PCDHGA3: variants seen among roughly 807,000 people sequenced by gnomAD.
The protein encoded by PCDHGA3 is protocadherin gamma subfamily A, 3, also known as protocadherin gamma-A3.
In PCDHGA3, 40 loss-of-function variants were observed where a neutral mutation model predicts 58.5. That is an observed-to-expected ratio of 0.68 (90% CI 0.53 to 0.89). PCDHGA3 has a LOEUF of 0.89. PCDHGA3 is among the 40% of genes least tolerant of loss of function. PCDHGA3 has a pLI of 0.00. For missense variants in PCDHGA3, 1,223 were observed against 1,195.9 expected (o/e 1.02, Z -0.33); for synonymous variants, 530 against 525.7 (o/e 1.01, Z -0.11).
chr5:141,483,916 A>C (rs1377841777), intron 1 of PCDHGA3, among the ~76,000 whole-genome samples: 1 of 144,996 alleles, frequency 6.9e-6, no homozygotes, highest in African/African-American at 2.5e-5. Flanking sequence ...TCCCACTCAG[A>C]TTGCAGGTCG....
intron 1 of PCDHGA3, chr5:141,357,307 G>C: frequency 6.2e-7 from 1 of 1,614,042 alleles, no homozygotes; most frequent in Non-Finnish European, 8.5e-7. Context: ...TGTCTCCTGC[G>C]TCTTCCTGGC....
At chr5:141,392,956 T>A (rs769377200) in intron 1 of PCDHGA3, 3 of 1,613,820 alleles carry the variant, frequency 1.9e-6, no homozygotes, top group South Asian at 1.1e-5. Context: ...GTGGGTAATA[T>A]CTCCAAGGAC....
In PCDHGA3 at chr5:141,459,764, A is replaced by G. The variant is rs980972909; in HGVS notation, c.2425-35043A>G. On this transcript the variant is annotated intron_variant, in intron 1 of 3. Transcript: ENST00000253812. ...TTTTAGCAATTCTAGTGGGTGTGTG[A>G]TACTATCTCATTGAAGTTTCAACTG... Among the ~76,000 whole-genome samples, 56 of 152,208 alleles carry G rather than the reference A, an allele frequency of 3.7e-4. 1 individual carries two copies. Among genetic ancestry groups the G allele is most frequent in the Admixed American group, 6.5e-5 (1 of 15,274 alleles).
rs1245731818 is a variant in PCDHGA3, at chr5:141,476,700, A to C, written c.2425-18107A>C. 1 of 1,614,096 alleles carries C rather than the reference A, an allele frequency of 6.2e-7. No homozygotes were observed. Among genetic ancestry groups the C allele is most frequent in the Non-Finnish European group, 8.5e-7 (1 of 1,180,016 alleles). On this transcript the variant is annotated intron_variant, in intron 1 of 3. Coordinates refer to ENST00000253812, the MANE Select transcript of PCDHGA3 (RefSeq NM_018916.4). This position sits in a 1 kb window ranked among gnomAD's most constrained non-coding sequence, Gnocchi z 7.6. Reference sequence around the variant, plus strand: ...CGGGAGGACAGCACCAAGTACGCGGAGCTGGTGTTGGAGCGCGCCCTGGAC... The same window carrying C: ...CGGGAGGACAGCACCAAGTACGCGGCGCTGGTGTTGGAGCGCGCCCTGGAC...
chr5:141,385,508 G>T (rs1430201636), intron 1 of PCDHGA3: 6 of 1,372,088 alleles, frequency 4.4e-6, no homozygotes, highest in Non-Finnish European at 5.6e-6. Flanking sequence ...TATTTCTTTA[G>T]TGAAAGCCTA....
At chr5:141,392,965 A>C in intron 1 of PCDHGA3, 1 of 1,613,890 alleles carries the variant, frequency 6.2e-7, no homozygotes, top group East Asian at 2.2e-5. Context: ...ATCTCCAAGG[A>C]CCTGGGGCTG....
At chr5:141,499,726 ACT>A (rs1368224475) in intron 2 of PCDHGA3, among the ~76,000 whole-genome samples, 1 of 128,608 alleles carries the variant, frequency 7.8e-6, no homozygotes, top group African/African-American at 3.0e-5. Flanking sequence ...ACAGAGTCTC[ACT>A]CTCTTGCCCA....
intron 1 of PCDHGA3, chr5:141,356,921 G>C (rs767463186): frequency 1.9e-6 from 3 of 1,613,860 alleles, no homozygotes; most frequent in African/African-American, 2.7e-5. Context: ...GGCTCCACTG[G>C]TGTGGAGCTG....
intron 1 of PCDHGA3, among the ~76,000 whole-genome samples, chr5:141,466,800 C>T (rs189985735): frequency 6.6e-6 from 1 of 152,240 alleles, no homozygotes; most frequent in East Asian, 1.9e-4. Context: ...AAACTAGATC[C>T]TATTCAGACA....
chr5:141,469,511 G>A (rs2099203340), intron 1 of PCDHGA3, among the ~76,000 whole-genome samples: 1 of 152,038 alleles, frequency 6.6e-6, no homozygotes, highest in African/African-American at 2.4e-5. Flanking sequence ...GGAGGTGGAG[G>A]TTGCAGTGAG....
chr5:141,394,558 C>T (rs2093032633), intron 1 of PCDHGA3: 4 of 1,614,108 alleles, frequency 2.5e-6, no homozygotes, highest in Non-Finnish European at 3.4e-6. Flanking sequence ...CCCCGCTCCG[C>T]AGAGCGTGGC....
intron 1 of PCDHGA3, among the ~76,000 whole-genome samples, chr5:141,382,107 C>T (rs1777954814): frequency 6.6e-6 from 1 of 152,002 alleles, no homozygotes; most frequent in Non-Finnish European, 1.5e-5. Flanking sequence ...GGATTACAGG[C>T]GTGAGCAACA....
In PCDHGA3 at chr5:141,498,877, G is replaced by A. The variant is rs886444261; in HGVS notation, c.2483+4012G>A. ...GAACCCAGGAGGCGGAGGTTGCAGTGAGCTGAGATCACACCACTGCACTCC... is the reference window on the plus strand; with the variant it reads ...GAACCCAGGAGGCGGAGGTTGCAGTAAGCTGAGATCACACCACTGCACTCC... On this transcript the variant is annotated intron_variant, in intron 2 of 3. Coordinates refer to ENST00000253812, the MANE Select transcript of PCDHGA3 (RefSeq NM_018916.4). Among the ~76,000 whole-genome samples, 8 of 149,816 alleles carry A rather than the reference G, an allele frequency of 5.3e-5. No individual in the cohort carries two copies. In the East Asian group the frequency reaches 1.4e-3, roughly 26 times the overall value.
Position 141,487,125 on chromosome 5 carries a change from G to A in PCDHGA3, c.2425-7682G>A. 6.2e-7 allele frequency: 1 copy of A among 1,614,112 alleles called. No homozygotes were observed. The highest frequency in any genetic ancestry group is 8.5e-7 in the Non-Finnish European group (1 of 1,179,994). The stretch of plus-strand genomic sequence containing the variant: ...CTGGTCATTGTGGTAAAGGATAGTG[G>A]TAGTCCACCACTCTCTACCTCTGTT... On this transcript the variant is annotated intron_variant, in intron 1 of 3. Coordinates refer to ENST00000253812, the MANE Select transcript of PCDHGA3 (RefSeq NM_018916.4). This position sits in a 1 kb window ranked among gnomAD's most constrained non-coding sequence, Gnocchi z 5.0.
intron 1 of PCDHGA3, chr5:141,383,224 C>T: frequency 6.2e-7 from 1 of 1,613,968 alleles, no homozygotes; most frequent in South Asian, 1.1e-5. Flanking sequence ...CTTTAACATC[C>T]TGATGGAAGA....
At chr5:141,422,032 G>A in intron 1 of PCDHGA3, 1 of 1,611,280 alleles carries the variant, frequency 6.2e-7, no homozygotes, top group Non-Finnish European at 8.5e-7. Context: ...TAATGCAACG[G>A]ATCCAGACGA....
In PCDHGA3 at chr5:141,343,985, C is replaced by T. The variant is rs776739047; in HGVS notation, c.-49C>T. 8 of 1,448,200 alleles carry T rather than the reference C, an allele frequency of 5.5e-6. No individual in the cohort carries two copies. The highest frequency in any genetic ancestry group is 7.4e-6 in the Non-Finnish European group (8 of 1,080,052). 89.7% of individuals were successfully genotyped at this position (1,448,200 alleles called of 1,614,324 possible). On this transcript the variant is annotated 5_prime_UTR_variant, in exon 1 of 4. Transcript: ENST00000253812. ...TTGAGAAAATAAGATTGGAGTCCGT[C>T]GTAGGAAACTGGAACCGAATTCAGA... is the stretch of plus-strand genomic sequence containing the variant.
At chr5:141,494,181 C>T (rs2099752517) in intron 1 of PCDHGA3, among the ~76,000 whole-genome samples, 1 of 152,136 alleles carries the variant, frequency 6.6e-6, no homozygotes, top group Non-Finnish European at 1.5e-5. Flanking sequence ...GAGAAGTGTC[C>T]CGGGACTTGG....
chr5:141,432,090 A>T lies in PCDHGA3; in HGVS notation c.2425-62717A>T. 1 of 1,614,164 alleles carries T rather than the reference A, an allele frequency of 6.2e-7. No homozygotes were observed. Among genetic ancestry groups the T allele is most frequent in the Non-Finnish European group, 8.5e-7 (1 of 1,180,034 alleles). On this transcript the variant is annotated intron_variant, in intron 1 of 3. Transcript: ENST00000253812. The surrounding 1 kb of genome is among the most constrained non-coding windows in gnomAD (Gnocchi z 6.0). ...ACTCATATCTCGCTGAACGTGGCAG[A>T]CACCAACGACAACCCGCCGGTCTTC... is the stretch of plus-strand genomic sequence containing the variant.
Sources: allele counts gnomAD v4.1 joint callset (sites outside exome capture counted in the v4.1 genomes callset), GRCh38; gene constraint gnomAD v4.1.1; non-coding constraint Gnocchi (gnomAD v3.1); transcripts MANE v1.5; gene names NCBI Gene and HGNC (gene_info 2026-07-23, HGNC 2026-07-21).